Variants in HMGB1 observed in about 807,000 individuals in gnomAD.
HMGB1 encodes high mobility group box 1, also known as high mobility group protein B1.
For missense variants in HMGB1, 79 were observed against 253.5 expected (o/e 0.31, Z 4.67); for synonymous variants, 81 against 84.0 (o/e 0.96, Z 0.19).
intron 1 of HMGB1, among the ~76,000 whole-genome samples, chr13:30,479,150 T>G (rs1189615554): frequency 2.6e-5 from 4 of 152,262 alleles, no homozygotes; most frequent in African/African-American, 4.8e-5. Context: ...ATCATAGCTC[T>G]AAACTTTTAC....
At chr13:30,561,982 C>T (rs2137525495) in intron 1 of HMGB1, among the ~76,000 whole-genome samples, 1 of 152,194 alleles carries the variant, frequency 6.6e-6, no homozygotes, top group South Asian at 2.1e-4. Flanking sequence ...GCATCATCTC[C>T]CTGGTTAATG....
intron 1 of HMGB1, among the ~76,000 whole-genome samples, chr13:30,532,334 CAAAA>C (rs34132409): frequency 2.6e-5 from 3 of 113,340 alleles, no homozygotes; most frequent in Non-Finnish European, 1.8e-5. Flanking sequence ...GACTCTGTCT[CAAAA>C]AAAAAAAAAA....
At chr13:30,568,370 G>A (rs890505219) in intron 1 of HMGB1, among the ~76,000 whole-genome samples, 8 of 152,272 alleles carry the variant, frequency 5.3e-5, no homozygotes, top group East Asian at 1.9e-4. Context: ...AGCTAGGTGT[G>A]GTGGCATGCA....
chr13:30,588,109 A>G (rs1041268664), intron 1 of HMGB1, among the ~76,000 whole-genome samples: 3 of 152,252 alleles, frequency 2.0e-5, no homozygotes, highest in Non-Finnish European at 2.9e-5. Context: ...AAGATTTATC[A>G]TGTGCTCAGC....
At chr13:30,553,856 G>A (rs1007543633) in intron 1 of HMGB1, 25 of 1,326,318 alleles carry the variant, frequency 1.9e-5, no homozygotes, top group Non-Finnish European at 2.7e-5. Context: ...TTAAACTGCA[G>A]AATACTGAGA....
At chr13:30,583,839 A>AAAAAAGAAAG (rs1555242864) in intron 1 of HMGB1, among the ~76,000 whole-genome samples, 1 of 137,666 alleles carries the variant, frequency 7.3e-6, no homozygotes, top group African/African-American at 2.9e-5. Context: ...AAAAAAAAAA[A>AAAAAAGAAAG]AAAGAAAGAA....
At chr13:30,485,306 C>T (rs778120636) in intron 1 of HMGB1, among the ~76,000 whole-genome samples, 10 of 152,196 alleles carry the variant, frequency 6.6e-5, no homozygotes, top group African/African-American at 2.4e-4. Flanking sequence ...GCTGGGATTA[C>T]AGGTGTGAAC....
intron 1 of HMGB1, among the ~76,000 whole-genome samples, chr13:30,525,842 T>A (rs1888351455): frequency 9.0e-6 from 1 of 111,684 alleles, no homozygotes; most frequent in Non-Finnish European, 2.0e-5. Flanking sequence ...GGATTACAAT[T>A]CAAGATGAGA....
chr13:30,562,871 C>T (rs1164449772), intron 1 of HMGB1, among the ~76,000 whole-genome samples: 2 of 152,132 alleles, frequency 1.3e-5, no homozygotes, highest in South Asian at 4.2e-4. Flanking sequence ...CTAGTGTGTT[C>T]CCAAAGGGTT....
intron 1 of HMGB1, among the ~76,000 whole-genome samples, chr13:30,506,463 T>G: frequency 6.6e-6 from 1 of 152,186 alleles, no homozygotes; most frequent in East Asian, 1.9e-4. Context: ...TCTCTATCAC[T>G]GACCCCTCTG....
At chr13:30,515,469 T>C (rs1888082055) in intron 1 of HMGB1, among the ~76,000 whole-genome samples, 1 of 152,214 alleles carries the variant, frequency 6.6e-6, no homozygotes, top group African/African-American at 2.4e-5. Context: ...AGTACTTCTC[T>C]TCAGTGCTTT....
chr13:30,589,812 A>G (rs953280180), intron 1 of HMGB1, among the ~76,000 whole-genome samples: 1 of 151,966 alleles, frequency 6.6e-6, no homozygotes, highest in Non-Finnish European at 1.5e-5. Context: ...AGAGGTTGCC[A>G]TGAGCCAAGA....
chr13:30,605,286 G>A (rs1426583930), intron 1 of HMGB1, among the ~76,000 whole-genome samples: 1 of 152,154 alleles, frequency 6.6e-6, no homozygotes, highest in East Asian at 1.9e-4. Context: ...GTGGCAATAT[G>A]AACTTGGGAG....
At chr13:30,553,802 T>A in intron 1 of HMGB1, 1 of 1,386,318 alleles carries the variant, frequency 7.2e-7, no homozygotes, top group Middle Eastern at 2.2e-4. Flanking sequence ...AAAACAGAAA[T>A]CGAAATAGAT....
At chr13:30,528,969 C>T in intron 1 of HMGB1, among the ~76,000 whole-genome samples, 1 of 133,348 alleles carries the variant, frequency 7.5e-6, no homozygotes, top group African/African-American at 2.9e-5. Flanking sequence ...GCGGAGCTTG[C>T]AGTGAGCCGA....
intron 1 of HMGB1, chr13:30,542,718 C>A: frequency 4.6e-6 from 1 of 219,560 alleles, no homozygotes; most frequent in East Asian, 1.2e-4. Context: ...GAAAATTCCT[C>A]ATCCGCCTCA....
intron 1 of HMGB1, chr13:30,554,361 C>T: frequency 1.2e-6 from 1 of 854,722 alleles, no homozygotes; most frequent in Non-Finnish European, 2.0e-6. Context: ...CTGGTAGACG[C>T]TTGTCTTGTT....
chr13:30,484,276 GC>G (rs1373638991), intron 1 of HMGB1, among the ~76,000 whole-genome samples: 1 of 152,118 alleles, frequency 6.6e-6, no homozygotes, highest in Non-Finnish European at 1.5e-5. Context: ...GGCAGGGTGT[GC>G]TTTCTTCCCC....
At chr13:30,486,443 G>C (rs1306084942) in intron 1 of HMGB1, among the ~76,000 whole-genome samples, 1 of 152,188 alleles carries the variant, frequency 6.6e-6, no homozygotes, top group African/African-American at 2.4e-5. Flanking sequence ...CAATGGCAGT[G>C]GTATGGATGA....
Sources: gnomAD v4.1 joint callset for allele counts (sites outside exome capture counted in the v4.1 genomes callset) on GRCh38, gnomAD v4.1.1 for gene constraint, MANE v1.5 for transcripts, NCBI Gene and HGNC (gene_info 2026-07-23, HGNC 2026-07-21) for gene names.